KIAA1217: variants seen among roughly 807,000 people sequenced by gnomAD.
KIAA1217 encodes sickle tail protein homolog.
In KIAA1217, 88 loss-of-function variants were observed where a neutral mutation model predicts 163.9. The ratio of observed to expected loss-of-function variants is 0.54; its 90% CI spans 0.45 to 0.64. The LOEUF is 0.64. Ranked by LOEUF, KIAA1217 falls within the 30% of genes least tolerant of loss-of-function variation. KIAA1217 has a pLI of 0.00. For missense variants in KIAA1217, 2,372 were observed against 2,475.0 expected (o/e 0.96, Z 0.88); for synonymous variants, 903 against 923.1 (o/e 0.98, Z 0.39).
At chr10:23,928,830 T>A (rs185183068) in intron 1 of KIAA1217, among the ~76,000 whole-genome samples, 11 of 152,158 alleles carry the variant, frequency 7.2e-5, no homozygotes, top group Non-Finnish European at 4.4e-5. Context: ...CACTTCCACA[T>A]TGAAAATTTA....
chr10:24,507,461 G>A (rs2068522218), intron 9 of KIAA1217, among the ~76,000 whole-genome samples: 1 of 152,066 alleles, frequency 6.6e-6, no homozygotes, highest in Non-Finnish European at 1.5e-5. Flanking sequence ...GAAAGAAATG[G>A]AAGATATAAA....
intron 2 of KIAA1217, among the ~76,000 whole-genome samples, chr10:24,115,468 T>A (rs554093636): frequency 8.0e-4 from 122 of 152,286 alleles, no homozygotes; most frequent in African/African-American, 2.9e-3. Flanking sequence ...GGGCTGGCAT[T>A]GGGGTAAAAA....
intron 2 of KIAA1217, among the ~76,000 whole-genome samples, chr10:24,116,544 C>T (rs562269769): frequency 6.6e-6 from 1 of 152,164 alleles, no homozygotes; most frequent in East Asian, 2.0e-4. Flanking sequence ...TTATGTGTTC[C>T]AATAAAACTT....
chr10:24,400,330 C>T (rs940831708), intron 3 of KIAA1217, among the ~76,000 whole-genome samples: 1 of 152,160 alleles, frequency 6.6e-6, no homozygotes, highest in Non-Finnish European at 1.5e-5. Context: ...TAACAATTCC[C>T]AAATCTCAAC....
At chr10:23,736,498 T>G (rs1271854342) in intron 1 of KIAA1217, among the ~76,000 whole-genome samples, 1 of 152,172 alleles carries the variant, frequency 6.6e-6, no homozygotes, top group Non-Finnish European at 1.5e-5. Context: ...TGGTAATTAA[T>G]CACTACACCT....
At chr10:23,928,928 T>C (rs1331493767) in intron 1 of KIAA1217, among the ~76,000 whole-genome samples, 2 of 152,132 alleles carry the variant, frequency 1.3e-5, no homozygotes, top group Non-Finnish European at 2.9e-5. Context: ...ACCTATAAGT[T>C]GAGGTCTGAA....
intron 1 of KIAA1217, among the ~76,000 whole-genome samples, chr10:23,860,448 T>A (rs1228583322): frequency 6.6e-6 from 1 of 152,122 alleles, no homozygotes; most frequent in East Asian, 1.9e-4. Context: ...CCTTGCCCCA[T>A]GTAAAAGGTA....
chr10:23,986,951 A>T (rs975911869), intron 1 of KIAA1217, among the ~76,000 whole-genome samples: 1 of 152,192 alleles, frequency 6.6e-6, no homozygotes, highest in Non-Finnish European at 1.5e-5. Flanking sequence ...GTGCCCTGAG[A>T]AATTGTCAGG....
chr10:23,718,498 G>T (rs1837692130), intron 1 of KIAA1217, among the ~76,000 whole-genome samples: 1 of 151,962 alleles, frequency 6.6e-6, no homozygotes, highest in Non-Finnish European at 1.5e-5. Context: ...TTCCTCACAA[G>T]CTTAAAACAG....
At chr10:24,369,114 T>C (rs2051200258) in intron 2 of KIAA1217, among the ~76,000 whole-genome samples, 1 of 151,784 alleles carries the variant, frequency 6.6e-6, no homozygotes, top group Admixed American at 6.6e-5. Flanking sequence ...CTGGTATACT[T>C]TCCTAGAGCA....
At position 24,521,878 on chromosome 10, in the gene KIAA1217, G is replaced by A. The variant is rs2071343502; in HGVS notation, c.2405G>A (p.Ser802Asn). 1 of 1,613,760 alleles carries A rather than the reference G, an allele frequency of 6.2e-7. No homozygotes were observed. The highest frequency in any genetic ancestry group is 8.5e-7 in the Non-Finnish European group (1 of 1,180,026). ...AAGGAGGAGCCACACAAGCTGGACAGTCTCCTGAAGCGTGTGCGCAGCATG... is the reference window on the plus strand; with the variant it reads ...AAGGAGGAGCCACACAAGCTGGACAATCTCCTGAAGCGTGTGCGCAGCATG... ...FLKEEPHKLD[S>N]LLKRVRSMTD... The change falls in exon 12 of 21, where the codon AGT (serine) becomes AAT (asparagine). Residue 802 changes from serine to asparagine, a missense_variant. By Grantham distance (46) the Ser-to-Asn change is conservative (BLOSUM62 1). Around this residue, in one of 3 missense-constraint regions of KIAA1217, gnomAD observed 1,431 missense variants for 1,470.3 expected, o/e 0.97. Coordinates refer to ENST00000376454, the MANE Select transcript of KIAA1217 (RefSeq NM_019590.5).
intron 2 of KIAA1217, among the ~76,000 whole-genome samples, chr10:24,304,111 G>C (rs1222879764): frequency 1.4e-5 from 2 of 147,058 alleles, no homozygotes; most frequent in African/African-American, 2.5e-5. Flanking sequence ...TAAGACTACA[G>C]CTGTGTGAAT....
Position 24,521,775 on chromosome 10 carries a change from C to T in KIAA1217, c.2309-7C>T. ...CCTCCAATTCACCTGCTGGTTTGGG[C>T]CTGCAGGAGAATTTCCAACCTTACA... On this transcript the variant is annotated splice_polypyrimidine_tract_variant and splice_region_variant and intron_variant, in intron 11 of 20. Transcript: ENST00000376454. 6.2e-7 allele frequency: 1 copy of T among 1,608,974 alleles called. No homozygotes were observed. Among genetic ancestry groups the T allele is most frequent in the Non-Finnish European group, 8.5e-7 (1 of 1,177,784 alleles).
chr10:23,983,800 C>A (rs1845864163), intron 1 of KIAA1217, among the ~76,000 whole-genome samples: 2 of 152,206 alleles, frequency 1.3e-5, no homozygotes, highest in Non-Finnish European at 2.9e-5. Context: ...CAAAAAGTTT[C>A]ATCTTATCCC....
At chr10:24,101,683 C>G (rs76518820) in intron 2 of KIAA1217, among the ~76,000 whole-genome samples, 1,720 of 152,180 alleles carry the variant, frequency 0.011, 18 homozygotes, top group African/African-American at 0.039. Context: ...ATGAAATTGA[C>G]ATTGTTAGGT....
intron 2 of KIAA1217, among the ~76,000 whole-genome samples, chr10:24,199,805 C>G (rs1431195788): frequency 6.6e-6 from 1 of 152,056 alleles, no homozygotes; most frequent in Non-Finnish European, 1.5e-5. Flanking sequence ...TTATGACTGG[C>G]TCAGGTGACA....
At chr10:24,493,501 T>G (rs2066406507) in intron 6 of KIAA1217, among the ~76,000 whole-genome samples, 1 of 152,238 alleles carries the variant, frequency 6.6e-6, no homozygotes, top group Non-Finnish European at 1.5e-5. Flanking sequence ...GTTGAAAACA[T>G]GGCAATAGTT....
At position 24,360,040 on chromosome 10, in the gene KIAA1217, C is replaced by CATTTTTTTTTTTTTTTTTTTTT. The variant is rs55881849; in HGVS notation, c.355-20829_355-20828insATTTTTTTTTTTTTTTTTTTTT. On this transcript the variant is annotated intron_variant, in intron 2 of 20. Coordinates refer to ENST00000376454, the MANE Select transcript of KIAA1217 (RefSeq NM_019590.5). ...ACTGTGTATCTTTAGGATATAATTACTTTTTTTTTTTTTTTTTTTTTTTTG... is the reference window on the plus strand; with the variant it reads ...ACTGTGTATCTTTAGGATATAATTACATTTTTTTTTTTTTTTTTTTTTTTTTTTTTTTTTTTTTTTTTTTTTG... Among the ~76,000 whole-genome samples the CATTTTTTTTTTTTTTTTTTTTT allele has an allele frequency of 4.2e-5, 4 of 94,282 alleles. 1 individual carries two copies. The highest frequency in any genetic ancestry group is 4.5e-5 in the African/African-American group (1 of 22,448). The allele number at this position is 94,282 out of a possible 152,430, so 61.9% of individuals were successfully genotyped here. A position where few individuals can be genotyped will look rare whatever the true frequency, so the allele number is the denominator to read the frequency against.
intron 3 of KIAA1217, among the ~76,000 whole-genome samples, chr10:24,405,258 G>A (rs866472194): frequency 6.6e-5 from 10 of 152,140 alleles, no homozygotes; most frequent in South Asian, 2.1e-4. Context: ...GAGTGCCTGC[G>A]ACCTCCCTGT....
Sources: allele counts gnomAD v4.1 joint callset (sites outside exome capture counted in the v4.1 genomes callset), GRCh38; gene constraint gnomAD v4.1.1; regional missense constraint gnomAD v4.1.1; transcripts MANE v1.5; gene names NCBI Gene and HGNC (gene_info 2026-07-23, HGNC 2026-07-21).